PREX1: variants seen among roughly 807,000 people sequenced by gnomAD.
The protein encoded by PREX1 is phosphatidylinositol 3,4,5-trisphosphate-dependent Rac exchanger 1 protein.
PREX1 carries 41 observed loss-of-function variants against 198.3 expected under a neutral mutation model. The observed-to-expected ratio is 0.21, with a 90% CI of 0.16 to 0.27. The LOEUF is 0.27. Ranked by LOEUF, PREX1 falls within the 10% of genes least tolerant of loss-of-function variation. The pLI is 1.00. For missense variants in PREX1, 1,620 were observed against 2,200.7 expected (o/e 0.74, Z 5.28); for synonymous variants, 843 against 887.2 (o/e 0.95, Z 0.89).
At chr20:48,823,500 G>T (rs984337212) in intron 1 of PREX1, among the ~76,000 whole-genome samples, 4 of 152,178 alleles carry the variant, frequency 2.6e-5, no homozygotes, top group African/African-American at 9.7e-5. Flanking sequence ...TCAGCCCAAG[G>T]TCACCTACAG....
intron 10 of PREX1, among the ~76,000 whole-genome samples, chr20:48,686,018 G>C (rs2089781895): frequency 6.6e-6 from 1 of 152,198 alleles, no homozygotes; most frequent in African/African-American, 2.4e-5. Flanking sequence ...AAAATGAATA[G>C]ACAGGCAAAG....
intron 5 of PREX1, among the ~76,000 whole-genome samples, chr20:48,719,638 A>G (rs557729065): frequency 1.1e-4 from 17 of 152,302 alleles, no homozygotes; most frequent in African/African-American, 3.8e-4. Flanking sequence ...AGAATAATAG[A>G]AGGACTCTGG....
intron 1 of PREX1, among the ~76,000 whole-genome samples, chr20:48,791,729 C>T (rs970703973): frequency 2.6e-5 from 4 of 152,172 alleles, no homozygotes; most frequent in African/African-American, 9.7e-5. Context: ...CAAGTCAACC[C>T]GGGGGCAGAG....
At chr20:48,677,973 G>A (rs1240324216) in intron 13 of PREX1, among the ~76,000 whole-genome samples, 1 of 151,676 alleles carries the variant, frequency 6.6e-6, no homozygotes, top group Non-Finnish European at 1.5e-5. Flanking sequence ...GCAACAGACC[G>A]AGACTCCGTC....
At chr20:48,726,228 A>C (rs2090009400) in intron 5 of PREX1, 62 bp downstream of exon 5, 5 of 1,438,462 alleles carry the variant, frequency 3.5e-6, no homozygotes, top group Non-Finnish European at 4.8e-6. Context: ...TTGAACTAAC[A>C]AATTTTATGT....
At chr20:48,746,069 G>A (rs2090106345) in intron 2 of PREX1, among the ~76,000 whole-genome samples, 1 of 152,154 alleles carries the variant, frequency 6.6e-6, no homozygotes, top group East Asian at 1.9e-4. Flanking sequence ...GCTGGAGTGT[G>A]AAGTACAGTG....
chr20:48,823,402 G>A (rs1380223624), intron 1 of PREX1, among the ~76,000 whole-genome samples: 1 of 152,184 alleles, frequency 6.6e-6, no homozygotes, highest in Non-Finnish European at 1.5e-5. Context: ...GGGAGTGGGG[G>A]GCAAGCTTCA....
At chr20:48,848,230 G>A in the PREX1 span, among the ~76,000 whole-genome samples, 2 of 151,242 alleles carry the variant, frequency 1.3e-5, no homozygotes, top group Admixed American at 1.3e-4. Context: ...CCAATTTCTC[G>A]ATATCATTAC....
chr20:48,706,077 C>T (rs1170124576), intron 6 of PREX1, among the ~76,000 whole-genome samples: 4 of 152,188 alleles, frequency 2.6e-5, no homozygotes, highest in Non-Finnish European at 5.9e-5. Context: ...TTTTAAGGCA[C>T]TTTATTTCCT....
chr20:48,689,490 T>C (rs2089805380), intron 9 of PREX1, among the ~76,000 whole-genome samples: 1 of 152,176 alleles, frequency 6.6e-6, no homozygotes, highest in Non-Finnish European at 1.5e-5. Flanking sequence ...GTTGGTTCCA[T>C]ATTCGTGCTC....
intron 33 of PREX1, among the ~76,000 whole-genome samples, chr20:48,633,715 A>G (rs2122825829): frequency 6.6e-6 from 1 of 152,216 alleles, no homozygotes; most frequent in Middle Eastern, 3.4e-3. Flanking sequence ...AGAAGTTCCC[A>G]GCCCTGGCTG....
At chr20:48,840,942 G>A in the PREX1 span, among the ~76,000 whole-genome samples, 1 of 146,754 alleles carries the variant, frequency 6.8e-6, no homozygotes, top group East Asian at 2.0e-4. Flanking sequence ...TCACACCTCA[G>A]CCTCCCAAGT....
In PREX1 at chr20:48,649,574, G is replaced by A. The variant is rs2089476862; in HGVS notation, c.3031C>T (p.His1011Tyr). The A allele has an allele frequency of 3.8e-6, 6 of 1,585,228 alleles. No homozygotes were observed. In the South Asian group the frequency reaches 6.8e-5, roughly 18 times the overall value. Residue 1011 changes from histidine (H) to tyrosine (Y), a missense_variant and splice_region_variant, in exon 25 of 40, where the codon CAC becomes TAC. Coordinates refer to ENST00000371941, the MANE Select transcript of PREX1 (RefSeq NM_020820.4). ...TGGGTGTACGACATGGGGTTCAGGT[G>A]GCCTGCAGTGGAGGAAGAGAGAGCT... is the stretch of plus-strand genomic sequence containing the variant. ...SLIGLDPEQG[H>Y]LNPMSYTQHC...
At chr20:48,646,209 G>A in intron 25 of PREX1, 152 bp from the exon 26 acceptor site, 2 of 744,564 alleles carry the variant, frequency 2.7e-6, no homozygotes, top group East Asian at 5.4e-5. Flanking sequence ...GCTACACAAG[G>A]CTCTACCAGA....
At chr20:48,841,826 C>A in the PREX1 span, among the ~76,000 whole-genome samples, 1 of 152,118 alleles carries the variant, frequency 6.6e-6, no homozygotes, top group Non-Finnish European at 1.5e-5. Flanking sequence ...CTGGCTTTAT[C>A]CCACATCCCT....
chr20:48,700,945 C>G, intron 6 of PREX1, 59 bp from the exon 7 acceptor site: 1 of 1,608,520 alleles, frequency 6.2e-7, no homozygotes, highest in Non-Finnish European at 8.5e-7. Context: ...CCTTCCTTTC[C>G]CAGAGACAGA....
At chr20:48,847,123 G>C in the PREX1 span, among the ~76,000 whole-genome samples, 1 of 152,088 alleles carries the variant, frequency 6.6e-6, no homozygotes, top group Non-Finnish European at 1.5e-5. Flanking sequence ...TTCTTAAAAA[G>C]ACAGTGCTAG....
chr20:48,711,692 A>G (rs2089931970), intron 5 of PREX1, among the ~76,000 whole-genome samples: 1 of 152,192 alleles, frequency 6.6e-6, no homozygotes, highest in African/African-American at 2.4e-5. Context: ...CCCAAGGCCT[A>G]AACTATTTAC....
rs190396022 is a variant in PREX1 at position 48,646,498 on chromosome 20, C to A, written c.3306-441G>T. Among the ~76,000 whole-genome samples, 5 of 152,182 alleles carry A rather than the reference C, an allele frequency of 3.3e-5. No individual in the cohort carries two copies. In the East Asian group the frequency reaches 9.7e-4, roughly 29 times the overall value. On this transcript the variant is annotated intron_variant, in intron 25 of 39. Transcript: ENST00000371941. ...AGGAGTTTGAGACCAGCCTGGCCAA[C>A]ATGGCCAACATGGCGAAACCCTGTC...
Sources: gnomAD v4.1 joint callset for allele counts (sites outside exome capture counted in the v4.1 genomes callset) on GRCh38, gnomAD v4.1.1 for gene constraint, MANE v1.5 for transcripts, NCBI Gene and HGNC (gene_info 2026-07-23, HGNC 2026-07-21) for gene names.